The following SAMD4B variants were observed in gnomAD, a reference collection of about 807,000 sequenced individuals.
SAMD4B encodes sterile alpha motif domain containing 4B, also known as protein Smaug homolog 2.
SAMD4B carries 5 observed loss-of-function variants against 74.5 expected under a neutral mutation model. The ratio of observed to expected loss-of-function variants is 0.07; its 90% CI spans 0.04 to 0.14. The LOEUF (loss-of-function observed/expected upper bound fraction) is 0.14. SAMD4B is among the 10% of genes least tolerant of loss of function. The pLI is 1.00. For missense variants in SAMD4B, 608 were observed against 921.8 expected, an observed-to-expected ratio of 0.66 and a Z score of 4.41; for synonymous variants, 373 against 374.9, an observed-to-expected ratio of 1.00 and a Z score of 0.06.
intron 12 of SAMD4B, among the ~76,000 whole-genome samples, chr19:39,382,867 G>A (rs1365437844): frequency 6.6e-6 from 1 of 152,160 alleles, no homozygotes; most frequent in Non-Finnish European, 1.5e-5. Flanking sequence ...GGGCTGCCCA[G>A]TGTCCAGGGC....
intron 1 of SAMD4B, among the ~76,000 whole-genome samples, chr19:39,352,789 A>G (rs2076125445): frequency 1.3e-5 from 2 of 152,200 alleles, no homozygotes; most frequent in Admixed American, 6.5e-5. Flanking sequence ...GTTGCTTAGG[A>G]AAAGTAACAA....
intron 3 of SAMD4B, among the ~76,000 whole-genome samples, chr19:39,366,452 G>A (rs1416113435): frequency 6.6e-6 from 1 of 152,136 alleles, no homozygotes; most frequent in Non-Finnish European, 1.5e-5. Context: ...GCAATAGAGC[G>A]AGACTCCATC....
intron 1 of SAMD4B, among the ~76,000 whole-genome samples, chr19:39,344,041 C>G (rs530124424): frequency 6.7e-6 from 1 of 149,884 alleles, no homozygotes; most frequent in African/African-American, 2.4e-5. Flanking sequence ...TGGAGCCCTC[C>G]TGACGTATGT....
rs1334988901 is a variant in SAMD4B at position 39,385,409 on chromosome 19, A to G, written c.*1882A>G. 2 of 412,976 alleles carry G rather than the reference A, an allele frequency of 4.8e-6. No homozygotes were observed. The highest frequency in any genetic ancestry group is 8.6e-6 in the Non-Finnish European group (2 of 233,860). 25.6% of individuals were successfully genotyped at this position (412,976 alleles called of 1,614,324 possible). A position where few individuals can be genotyped will look rare whatever the true frequency, so the allele number is the denominator to read the frequency against. ...GTGAGGGACACCGTCTCACACACAC[A>G]GGGAGGCAAGAGCTGCCCCCCACCC... On this transcript the variant is annotated 3_prime_UTR_variant, in exon 14 of 14. Transcript: ENST00000610417.
downstream of SAMD4B, chr19:39,386,796 G>T: frequency 6.2e-7 from 1 of 1,610,116 alleles, no homozygotes; most frequent in Non-Finnish European, 8.5e-7. This position sits in a 1 kb window ranked among gnomAD's most constrained non-coding sequence, Gnocchi z 6.1. Context: ...TACTAAGGCG[G>T]ACCCTGCAGG....
At chr19:39,361,859 G>A (rs2076676100) in intron 3 of SAMD4B, among the ~76,000 whole-genome samples, 2 of 151,938 alleles carry the variant, frequency 1.3e-5, no homozygotes, top group Admixed American at 6.6e-5. Flanking sequence ...AGGAGGCACA[G>A]GAGCTTGCAA....
At chr19:39,377,447 G>C in intron 7 of SAMD4B, 38 bp from the exon 8 acceptor site, 3 of 1,473,654 alleles carry the variant, frequency 2.0e-6, no homozygotes, top group Non-Finnish European at 2.8e-6. Flanking sequence ...CTCATTGTAG[G>C]GTCTGCATGT....
intron 3 of SAMD4B, among the ~76,000 whole-genome samples, chr19:39,362,255 TG>T (rs2076699884): frequency 6.6e-6 from 1 of 152,226 alleles, no homozygotes; most frequent in Admixed American, 6.5e-5. Context: ...TAAAGCTCCC[TG>T]GTTGACTCTT....
intron 3 of SAMD4B, among the ~76,000 whole-genome samples, chr19:39,367,709 A>G (rs1447233170): frequency 1.3e-5 from 2 of 150,602 alleles, no homozygotes; most frequent in Non-Finnish European, 3.0e-5. Flanking sequence ...GGCTTTCACC[A>G]TGTCGGCCAG....
At chr19:39,368,930 A>G (rs2077131870) in intron 3 of SAMD4B, among the ~76,000 whole-genome samples, 2 of 152,246 alleles carry the variant, frequency 1.3e-5, no homozygotes, top group African/African-American at 4.8e-5. Flanking sequence ...TTTAACTACC[A>G]TATACCACTG....
At chr19:39,364,714 G>C (rs2076853923) in intron 3 of SAMD4B, among the ~76,000 whole-genome samples, 1 of 152,210 alleles carries the variant, frequency 6.6e-6, no homozygotes, top group Non-Finnish European at 1.5e-5. Flanking sequence ...AGTTGGGAGG[G>C]CAGGAAAGAC....
Position 39,378,485 on chromosome 19 carries a change from C to G in SAMD4B, c.1445-19C>G, listed in dbSNP as rs768885850. ...GCATACTAGGGGTTAACCTCCTGCC[C>G]TTTCTCATGTCCCCCCAGTGTGCAC... is the stretch of plus-strand genomic sequence containing the variant. On this transcript the variant is annotated intron_variant, in intron 8 of 13. Transcript: ENST00000610417. This position sits in a 1 kb window ranked among gnomAD's most constrained non-coding sequence, Gnocchi z 4.4. 5 of 1,612,646 alleles carry G rather than the reference C, an allele frequency of 3.1e-6. No individual in the cohort carries two copies. In the Admixed American group the frequency reaches 5.0e-5, roughly 16 times the overall value.
At position 39,378,820 on chromosome 19, in the gene SAMD4B, C is replaced by T. The variant is rs556187190; in HGVS notation, c.1530+231C>T. Among the ~76,000 whole-genome samples the T allele has an allele frequency of 3.6e-3, 543 of 152,368 alleles. 3 individuals are homozygous for T. The highest frequency in any genetic ancestry group is 0.014 in the Middle Eastern group (4 of 294). On this transcript the variant is annotated intron_variant, in intron 9 of 13. Coordinates refer to ENST00000610417, the MANE Select transcript of SAMD4B (RefSeq NM_001384574.2). This position sits in a 1 kb window ranked among gnomAD's most constrained non-coding sequence, Gnocchi z 4.4. The stretch of plus-strand genomic sequence containing the variant: ...TACGCGGGAGGCTGAGGCAGAATGG[C>T]GTGAACCCGGCAGGTGGAGCTTGTG...
Position 39,380,055 on chromosome 19 carries a change from A to G in SAMD4B, c.1620A>G (p.Leu540=). Residue 540 remains leucine, a synonymous_variant, in exon 10 of 14, where the codon CTA becomes CTG. Transcript: ENST00000610417. ...LLRTFPRKAA[L]EMQNYRQQKG... is the part of the protein sequence containing the mutation. Reference sequence around the variant, plus strand: ...GGACATTCCCGCGCAAAGCCGCACTAGAGATGCAGAACTACCGGCAGCAGA... The same window carrying G: ...GGACATTCCCGCGCAAAGCCGCACTGGAGATGCAGAACTACCGGCAGCAGA... 1 of 1,613,818 alleles carries G rather than the reference A, an allele frequency of 6.2e-7. No individual in the cohort carries two copies.
rs997026085 is a variant in SAMD4B at position 39,384,835 on chromosome 19, C to T, written c.*1308C>T. The T allele has an allele frequency of 6.6e-6, 1 of 151,886 alleles. No homozygotes were observed. Among genetic ancestry groups the T allele is most frequent in the African/African-American group, 2.4e-5 (1 of 41,132 alleles). The allele number at this position is 151,886 out of a possible 1,614,324, so 9.4% of individuals were successfully genotyped here. On this transcript the variant is annotated 3_prime_UTR_variant, in exon 14 of 14. Coordinates refer to ENST00000610417, the MANE Select transcript of SAMD4B (RefSeq NM_001384574.2). ...ATTTTTAGATACATTTTATGAATAACTTTTGTTATGAATATGGCTGGTAAC... is the reference window on the plus strand; with the variant it reads ...ATTTTTAGATACATTTTATGAATAATTTTTGTTATGAATATGGCTGGTAAC...
chr19:39,343,387 C>T (rs2075452305), intron 1 of SAMD4B, among the ~76,000 whole-genome samples: 2 of 151,172 alleles, frequency 1.3e-5, no homozygotes, highest in African/African-American at 4.9e-5. Flanking sequence ...AGATCTCCTT[C>T]CCATATCCCC....
At position 39,356,390 on chromosome 19, in the gene SAMD4B, A is replaced by G. The variant is rs76238735; in HGVS notation, c.-205-299A>G. On this transcript the variant is annotated intron_variant, in intron 2 of 13. Coordinates refer to ENST00000610417, the MANE Select transcript of SAMD4B (RefSeq NM_001384574.2). ...TTCCCACTTCTGAAAAATTTTTCCA[A>G]TATATTTTCTGTGTTAAATCCGCTT... Among the ~76,000 whole-genome samples the G allele has an allele frequency of 9.0e-3, 1,364 of 152,202 alleles. 15 individuals are homozygous for G. The highest frequency in any genetic ancestry group is 0.015 in the Non-Finnish European group (1,039 of 68,004).
At chr19:39,349,630 G>A (rs2075909857) in intron 1 of SAMD4B, among the ~76,000 whole-genome samples, 1 of 152,298 alleles carries the variant, frequency 6.6e-6, no homozygotes, top group South Asian at 2.1e-4. Flanking sequence ...CTCTTCTCAG[G>A]TTATGAAAGT....
downstream of SAMD4B, chr19:39,388,724 G>A (rs2078307743): frequency 6.2e-7 from 1 of 1,605,940 alleles, no homozygotes; most frequent in Admixed American, 1.7e-5. Context: ...ACAAGAGGCA[G>A]CAAGGAGCAG....
Sources: allele counts gnomAD v4.1 joint callset (sites outside exome capture counted in the v4.1 genomes callset), GRCh38; gene constraint gnomAD v4.1.1; non-coding constraint Gnocchi (gnomAD v3.1); transcripts MANE v1.5; gene names NCBI Gene and HGNC (gene_info 2026-07-23, HGNC 2026-07-21).